MYO1E: variants seen among roughly 807,000 people sequenced by gnomAD.
MYO1E encodes unconventional myosin-Ie.
In MYO1E, 68 loss-of-function variants were observed where a neutral mutation model predicts 151.1. The ratio of observed to expected loss-of-function variants is 0.45; its 90% CI spans 0.37 to 0.55. The LOEUF is 0.55. Ranked by LOEUF, MYO1E falls within the 20% of genes least tolerant of loss-of-function variation. The pLI is 0.00. For synonymous variants in MYO1E, 601 were observed against 501.7 expected (o/e 1.20, Z -2.64); for missense variants, 1,363 against 1,389.3 (o/e 0.98, Z 0.30).
chr15:59,299,371 A>C (rs766655820), intron 1 of MYO1E, among the ~76,000 whole-genome samples: 4 of 152,196 alleles, frequency 2.6e-5, no homozygotes, highest in African/African-American at 4.8e-5. Context: ...GCATTTTTTA[A>C]ATAGCCGCCG....
intron 10 of MYO1E, among the ~76,000 whole-genome samples, chr15:59,216,679 T>C (rs1285070157): frequency 3.3e-4 from 10 of 29,902 alleles, no homozygotes; most frequent in South Asian, 1.6e-3. Flanking sequence ...TATATATATA[T>C]ATATATACAC....
chr15:59,200,048 T>C (rs1415824493), intron 16 of MYO1E, among the ~76,000 whole-genome samples: 1 of 152,184 alleles, frequency 6.6e-6, no homozygotes, highest in Non-Finnish European at 1.5e-5. Context: ...GCCTGAGACT[T>C]GTAAACCTAA....
intron 25 of MYO1E, among the ~76,000 whole-genome samples, chr15:59,155,067 T>A (rs1425420155): frequency 6.6e-6 from 1 of 151,566 alleles, no homozygotes; most frequent in African/African-American, 2.4e-5. Flanking sequence ...ATGGGGAGGG[T>A]AGAAGGACCC....
At chr15:59,173,206 G>T (rs867652096) in intron 21 of MYO1E, among the ~76,000 whole-genome samples, 1 of 152,174 alleles carries the variant, frequency 6.6e-6, no homozygotes. Context: ...TTGATTCAAC[G>T]ATTTCACTCC....
At chr15:59,339,547 G>C (rs1270179082) in intron 1 of MYO1E, among the ~76,000 whole-genome samples, 2 of 152,146 alleles carry the variant, frequency 1.3e-5, no homozygotes, top group East Asian at 3.9e-4. Context: ...AGACACAAAA[G>C]GGCAGCTCTG....
intron 6 of MYO1E, among the ~76,000 whole-genome samples, chr15:59,228,648 G>A (rs1045381310): frequency 3.3e-5 from 5 of 151,976 alleles, no homozygotes; most frequent in African/African-American, 1.2e-4. Flanking sequence ...AAGGAAAAGA[G>A]GGAGTGGTGT....
At chr15:59,268,277 C>G (rs1199851088) in intron 2 of MYO1E, among the ~76,000 whole-genome samples, 4 of 152,208 alleles carry the variant, frequency 2.6e-5, no homozygotes, top group African/African-American at 9.6e-5. Context: ...CTGAAAGCTA[C>G]TCTGTGCTAA....
chr15:59,218,986 G>A (rs1328162591), intron 9 of MYO1E, among the ~76,000 whole-genome samples: 2 of 152,184 alleles, frequency 1.3e-5, no homozygotes, highest in African/African-American at 4.8e-5. Context: ...TGAATGGTAT[G>A]ATATATTTGG....
chr15:59,353,822 G>A (rs2080838844), intron 1 of MYO1E, among the ~76,000 whole-genome samples: 1 of 150,934 alleles, frequency 6.6e-6, no homozygotes, highest in South Asian at 2.1e-4. Context: ...ATTTTGAAAA[G>A]CAAACCACAG....
intron 26 of MYO1E, among the ~76,000 whole-genome samples, chr15:59,151,892 A>G (rs1205953046): frequency 7.4e-6 from 1 of 136,046 alleles, no homozygotes; most frequent in African/African-American, 3.1e-5. Flanking sequence ...ACAAAAATAC[A>G]CACACACACA....
chr15:59,320,810 C>T (rs1451721332), intron 1 of MYO1E, among the ~76,000 whole-genome samples: 1 of 152,012 alleles, frequency 6.6e-6, no homozygotes, highest in African/African-American at 2.4e-5. Context: ...AAAACAACTG[C>T]AACAAAAACA....
intron 1 of MYO1E, among the ~76,000 whole-genome samples, chr15:59,335,370 A>G (rs1246736569): frequency 6.6e-6 from 1 of 152,250 alleles, no homozygotes; most frequent in African/African-American, 2.4e-5. Flanking sequence ...AGGCTGCTAC[A>G]GTATGAGATG....
At chr15:59,221,193 T>C (rs1179647810) in intron 9 of MYO1E, among the ~76,000 whole-genome samples, 2 of 151,700 alleles carry the variant, frequency 1.3e-5, no homozygotes, top group Non-Finnish European at 2.9e-5. Flanking sequence ...GTATTTTTAG[T>C]AGAGACAGGA....
At chr15:59,187,995 G>T in intron 18 of MYO1E, 123 bp downstream of exon 18, 2 of 784,298 alleles carry the variant, frequency 2.6e-6, no homozygotes, top group Non-Finnish European at 4.5e-6. Context: ...GGTGATAGTT[G>T]CACAACTCTG....
chr15:59,252,142 G>A (rs7179920), intron 4 of MYO1E, among the ~76,000 whole-genome samples: 149,483 of 152,322 alleles, frequency 0.98, 73,412 homozygotes, highest in East Asian at 1. Flanking sequence ...ATTGAAAACA[G>A]TTAATTTTTC....
chr15:59,371,278 G>C (rs138416232), intron 1 of MYO1E, among the ~76,000 whole-genome samples: 1 of 152,166 alleles, frequency 6.6e-6, no homozygotes, highest in Non-Finnish European at 1.5e-5. Flanking sequence ...CCGGGATATC[G>C]ATTTTTTAAT....
intron 17 of MYO1E, among the ~76,000 whole-genome samples, chr15:59,193,749 G>T (rs527783093): frequency 1.3e-5 from 2 of 152,298 alleles, no homozygotes. Context: ...CCTAAAGTAA[G>T]AATTGACCAA....
At chr15:59,346,198 C>G (rs148087779) in intron 1 of MYO1E, among the ~76,000 whole-genome samples, 1 of 152,154 alleles carries the variant, frequency 6.6e-6, no homozygotes, top group Non-Finnish European at 1.5e-5. Flanking sequence ...CTCAGGATGA[C>G]GAGGTGCATC....
chr15:59,216,441 G>A (rs1269733219), intron 10 of MYO1E, among the ~76,000 whole-genome samples: 1 of 151,498 alleles, frequency 6.6e-6, no homozygotes, highest in African/African-American at 2.4e-5. Context: ...ATAAGTGCCT[G>A]CTATTATTAT....
Sources: allele counts gnomAD v4.1 joint callset (sites outside exome capture counted in the v4.1 genomes callset), GRCh38; gene constraint gnomAD v4.1.1; transcripts MANE v1.5; gene names NCBI Gene and HGNC (gene_info 2026-07-23, HGNC 2026-07-21).